Variants in CHD6 observed in about 807,000 individuals in gnomAD.
The protein encoded by CHD6 is ATP-dependent chromatin remodeler CHD6.
A neutral mutation model predicts 276.9 loss-of-function variants in CHD6; 50 were observed. That is an observed-to-expected ratio of 0.18 (90% CI 0.14 to 0.23). The LOEUF is 0.23. Ranked by LOEUF, CHD6 falls within the 10% of genes least tolerant of loss-of-function variation. CHD6 has a pLI of 1.00. For synonymous variants in CHD6, 1,173 were observed against 1,229.3 expected, an observed-to-expected ratio of 0.95 and a Z score of 0.96; for missense variants, 2,564 against 3,365.8, an observed-to-expected ratio of 0.76 and a Z score of 5.89.
At chr20:41,544,587 A>C (rs1393597693) in intron 2 of CHD6, among the ~76,000 whole-genome samples, 3 of 151,798 alleles carry the variant, frequency 2.0e-5, no homozygotes, top group Non-Finnish European at 2.9e-5. Context: ...TAGTAACATG[A>C]ATTAAATGAA....
At chr20:41,612,553 G>C (rs954828541) in intron 1 of CHD6, among the ~76,000 whole-genome samples, 9 of 152,182 alleles carry the variant, frequency 5.9e-5, no homozygotes, top group African/African-American at 2.2e-4. Flanking sequence ...AATTTAGACT[G>C]CCAGCAGTGC....
At chr20:41,460,026 G>T (rs1441245992) in intron 17 of CHD6, among the ~76,000 whole-genome samples, 1 of 152,238 alleles carries the variant, frequency 6.6e-6, no homozygotes, top group African/African-American at 2.4e-5. Flanking sequence ...CTCAGAAGGA[G>T]ATGAGGAACT....
chr20:41,498,038 G>T, intron 7 of CHD6, 130 bp downstream of exon 7: 1 of 663,000 alleles, frequency 1.5e-6, no homozygotes, highest in Non-Finnish European at 2.7e-6. Flanking sequence ...GTAAACTTGA[G>T]TCAGCCAAGA....
chr20:41,408,474 C>T (rs1297366500), intron 36 of CHD6, among the ~76,000 whole-genome samples: 3 of 152,134 alleles, frequency 2.0e-5, no homozygotes, highest in South Asian at 2.1e-4. Context: ...CGGGGCCAGG[C>T]TAAAAGGATA....
At chr20:41,483,063 GA>G (rs1193099967) in intron 16 of CHD6, among the ~76,000 whole-genome samples, 1 of 151,908 alleles carries the variant, frequency 6.6e-6, no homozygotes, top group East Asian at 1.9e-4. Flanking sequence ...TAAATATGTG[GA>G]ATTTTTTTTT....
intron 1 of CHD6, among the ~76,000 whole-genome samples, chr20:41,595,895 T>G (rs538044457): frequency 6.6e-6 from 1 of 151,682 alleles, no homozygotes; most frequent in African/African-American, 2.4e-5. Flanking sequence ...CAGGAGGAAA[T>G]AGACTATGCC....
chr20:41,416,223 TA>T (rs1327560033), intron 33 of CHD6, among the ~76,000 whole-genome samples: 1 of 152,128 alleles, frequency 6.6e-6, no homozygotes, highest in Non-Finnish European at 1.5e-5. Flanking sequence ...TCCCTTTCCT[TA>T]TATATTTATT....
intron 1 of CHD6, among the ~76,000 whole-genome samples, chr20:41,617,922 C>A (rs1452168600): frequency 6.8e-6 from 1 of 147,256 alleles, no homozygotes; most frequent in East Asian, 2.0e-4. Context: ...CGCGGCTGGG[C>A]CCGGGGGTCC....
At chr20:41,581,040 G>A (rs556978764) in intron 1 of CHD6, among the ~76,000 whole-genome samples, 1 of 152,264 alleles carries the variant, frequency 6.6e-6, no homozygotes, top group East Asian at 1.9e-4. Flanking sequence ...TATCCACACT[G>A]ATAGATGGCT....
intron 5 of CHD6, among the ~76,000 whole-genome samples, chr20:41,507,531 G>C (rs138410895): frequency 1.7e-4 from 26 of 152,202 alleles, no homozygotes; most frequent in African/African-American, 6.3e-4. Context: ...AATACACATC[G>C]AAGTAGGAAG....
chr20:41,521,555 A>T (rs1025575883), intron 3 of CHD6, among the ~76,000 whole-genome samples: 2 of 152,054 alleles, frequency 1.3e-5, no homozygotes, highest in Non-Finnish European at 2.9e-5. Flanking sequence ...CACATATAAT[A>T]TGTGTGTAGA....
At chr20:41,427,191 A>G (rs148261405) in intron 27 of CHD6, among the ~76,000 whole-genome samples, 94 of 151,318 alleles carry the variant, frequency 6.2e-4, no homozygotes, top group African/African-American at 2.2e-3. Flanking sequence ...CCTGGAATAC[A>G]CAACATGGTA....
intron 2 of CHD6, 104 bp from the exon 3 acceptor site, chr20:41,533,674 G>A: frequency 1.9e-6 from 2 of 1,031,030 alleles, no homozygotes; most frequent in East Asian, 2.5e-5. Flanking sequence ...AATATTTACT[G>A]AGTTCCCACT....
At position 41,421,444 on chromosome 20, in the gene CHD6, T is replaced by C. The variant is rs1380847659; in HGVS notation, c.5191A>G (p.Arg1731Gly). The change falls in exon 31 of 37, where the codon AGA (arginine) becomes GGA (glycine). Residue 1731 changes from arginine to glycine, a missense_variant. Physicochemically the swap from Arg to Gly is moderately radical, Grantham distance 125. Around this residue, in one of 7 missense-constraint regions of CHD6, gnomAD observed 1,024 missense variants for 1,047.9 expected, o/e 0.98. Coordinates refer to ENST00000373233, the MANE Select transcript of CHD6 (RefSeq NM_032221.5). ...ATTGAGATGGTAATAACATCTTTTC[T>C]AGATTCAGTATTGGTACTTGGGCTC... ...QESPSTNTESRKDVITISISK... is the reference protein window; with the variant it reads ...QESPSTNTESGKDVITISISK... The C allele has an allele frequency of 2.5e-6, 4 of 1,614,078 alleles. No individual in the cohort carries two copies. The East Asian group carries it at 6.7e-5, about 27-fold the overall frequency.
At position 41,451,010 on chromosome 20, in the gene CHD6, A is replaced by AGGT; in HGVS notation, c.3616_3618dup (p.Thr1206dup). The AGGT allele has an allele frequency of 2.5e-6, 4 of 1,614,024 alleles. No homozygotes were observed. The highest frequency in any genetic ancestry group is 2.5e-6 in the Non-Finnish European group (3 of 1,179,898). On this transcript the variant is annotated inframe_insertion, in exon 23 of 37. Transcript: ENST00000373233. ...TCATGCAAGACCACCTCGGGGTTGC[A>AGGT]GGTGGCTAGCCAATCTGCATCCTTT...
At chr20:41,526,036 T>C (rs1227921310) in intron 3 of CHD6, among the ~76,000 whole-genome samples, 1 of 152,184 alleles carries the variant, frequency 6.6e-6, no homozygotes, top group East Asian at 1.9e-4. Context: ...AAAAATATAC[T>C]GGATAAATGA....
chr20:41,578,519 A>G (rs1681407495), intron 1 of CHD6, among the ~76,000 whole-genome samples: 1 of 152,104 alleles, frequency 6.6e-6, no homozygotes, highest in Non-Finnish European at 1.5e-5. Flanking sequence ...AGGAATGTTA[A>G]GTTCAAACCA....
At chr20:41,446,195 C>T (rs1053194101) in intron 24 of CHD6, among the ~76,000 whole-genome samples, 4 of 152,182 alleles carry the variant, frequency 2.6e-5, no homozygotes, top group Non-Finnish European at 4.4e-5. Flanking sequence ...CCCAAATCAT[C>T]GTGGCTCAGT....
At chr20:41,449,878 T>C (rs967239023) in intron 23 of CHD6, among the ~76,000 whole-genome samples, 6 of 152,220 alleles carry the variant, frequency 3.9e-5, no homozygotes, top group Non-Finnish European at 7.4e-5. Context: ...ATAACCATTA[T>C]CCTGTCTGCT....
Sources: gnomAD v4.1 joint callset for allele counts (sites outside exome capture counted in the v4.1 genomes callset) on GRCh38, gnomAD v4.1.1 for gene constraint, gnomAD v4.1.1 regional missense constraint, MANE v1.5 for transcripts, NCBI Gene and HGNC (gene_info 2026-07-23, HGNC 2026-07-21) for gene names.